The following GRK1 variants were observed in gnomAD, a reference collection of about 807,000 sequenced individuals.
The protein encoded by GRK1 is G protein-coupled receptor kinase 1.
Under a neutral mutation model 41.7 loss-of-function variants are expected in GRK1, and 28 were observed. The observed-to-expected ratio is 0.67, with a 90% CI of 0.50 to 0.92. The LOEUF (loss-of-function observed/expected upper bound fraction) is 0.92, where lower values mean the gene tolerates loss of function less well. Among genes scored for constraint, GRK1 ranks in the 40% least tolerant of loss-of-function variants. The probability of loss-of-function intolerance (pLI) is 0.00; values close to 1 mark genes in which losing one functional copy is unlikely to be tolerated. For synonymous variants in GRK1, 327 were observed against 286.7 expected (o/e 1.14, Z -1.42); for missense variants, 703 against 671.2 (o/e 1.05, Z -0.52).
chr13:113,731,141 A>T lies in GRK1; in HGVS notation c.1070-78A>T. 6.7e-7 allele frequency: 1 copy of T among 1,493,430 alleles called. No homozygotes were observed. The highest frequency in any genetic ancestry group is 8.9e-7 in the Non-Finnish European group (1 of 1,119,880). 92.5% of individuals were successfully genotyped at this position (1,493,430 alleles called of 1,614,324 possible). On this transcript the variant is annotated intron_variant, in intron 4 of 6. Transcript: ENST00000335678. This position sits in a 1 kb window ranked among gnomAD's most constrained non-coding sequence, Gnocchi z 5.6. ...CCCGGGGGGGATGCATCCCCAGAGC[A>T]TCAGTCCTGCGATTCCTGGAGTGCG...
intron 4 of GRK1, among the ~76,000 whole-genome samples, chr13:113,728,650 C>T (rs575182430): frequency 2.2e-3 from 328 of 152,246 alleles, no homozygotes; most frequent in African/African-American, 7.5e-3. Context: ...AGAGACGCCC[C>T]GGCTCCGTGG....
Position 113,731,502 on chromosome 13 carries a change from T to C in GRK1, c.1194+159T>C, listed in dbSNP as rs1203320449. On this transcript the variant is annotated intron_variant, in intron 5 of 6. Transcript: ENST00000335678. The surrounding 1 kb of genome is among the most constrained non-coding windows in gnomAD (Gnocchi z 5.6). ...GATTCACGTGCTGGGGTCTTGCTCC[T>C]GGGCCATGCTGTTCTGTCTCAGTGG... The C allele has an allele frequency of 1.6e-6, 1 of 624,742 alleles. No individual in the cohort carries two copies. Among genetic ancestry groups the C allele is most frequent in the African/African-American group, 2.0e-5 (1 of 49,962 alleles). The allele number at this position is 624,742 out of a possible 1,614,324, so 38.7% of individuals were successfully genotyped here.
At chr13:113,733,926 ATGTGTG>A (rs2049975933) in intron 6 of GRK1, among the ~76,000 whole-genome samples, 1 of 45,972 alleles carries the variant, frequency 2.2e-5, no homozygotes, top group Non-Finnish European at 4.5e-5. Context: ...GCGTGTGTGC[ATGTGTG>A]CATACGTGTG....
At position 113,735,381 on chromosome 13, in the gene GRK1, A is replaced by G; in HGVS notation, c.*18A>G. 6.8e-7 allele frequency: 1 copy of G among 1,471,170 alleles called. No individual in the cohort carries two copies. The highest frequency in any genetic ancestry group is 9.0e-7 in the Non-Finnish European group (1 of 1,112,722). The allele number at this position is 1,471,170 out of a possible 1,614,324, so 91.1% of individuals were successfully genotyped here. On this transcript the variant is annotated 3_prime_UTR_variant, in exon 7 of 7. Transcript: ENST00000335678. ...TTTCCTAGGTGACGCCCCAGAGTCCACGTGGAGGAAAAGGACCCATACGGC... is the reference window on the plus strand; with the variant it reads ...TTTCCTAGGTGACGCCCCAGAGTCCGCGTGGAGGAAAAGGACCCATACGGC...
chr13:113,654,252 C>A, the GRK1 span, among the ~76,000 whole-genome samples: 1 of 152,292 alleles, frequency 6.6e-6, no homozygotes, highest in African/African-American at 2.4e-5. Context: ...AAACCTTCAG[C>A]AGGGTCTGAG....
chr13:113,668,128 G>A, intron 1 of GRK1, 43 bp downstream of exon 1: 1 of 1,558,968 alleles, frequency 6.4e-7, no homozygotes, highest in Non-Finnish European at 8.7e-7. Context: ...GTGGCAGGGT[G>A]CAGGGATGGG....
the GRK1 span, among the ~76,000 whole-genome samples, chr13:113,655,182 A>T: frequency 6.6e-6 from 1 of 152,106 alleles, no homozygotes; most frequent in African/African-American, 2.4e-5. Flanking sequence ...ACATAGGCAG[A>T]ATCCTGCGAC....
intron 5 of GRK1, 26 bp from the exon 6 acceptor site, chr13:113,732,858 G>A (rs1219884355): frequency 1.4e-4 from 208 of 1,530,406 alleles, no homozygotes; most frequent in Non-Finnish European, 1.7e-4. Flanking sequence ...GGTCTGGCAG[G>A]GCTAAGGCTA....
rs995215511 is a variant in GRK1, at chr13:113,669,825, G to A, written c.827+11G>A. 6.2e-6 allele frequency: 10 copies of A among 1,613,520 alleles called. No individual in the cohort carries two copies. The African/African-American group carries it at 1.1e-4, about 17-fold the overall frequency. ...CGGAGGTGACATCAGGTAAGGGCTG[G>A]GCCAGAGGGCACGAGGGGGCCCCGC... On this transcript the variant is annotated intron_variant, in intron 2 of 6. Transcript: ENST00000335678.
Position 113,671,560 on chromosome 13 carries a change from T to G in GRK1, c.889T>G (p.Tyr297Asp). Residue 297 changes from tyrosine (Y) to aspartate (D), a missense_variant, in exon 3 of 7, where the codon TAC (tyrosine) becomes GAC (aspartate). Physicochemically the swap from Tyr to Asp is radical, Grantham distance 160 (BLOSUM62 -3). Transcript: ENST00000335678. This position sits in a 1 kb window ranked among gnomAD's most constrained non-coding sequence, Gnocchi z 4.1. ...PGFPEPRALF[Y>D]TAQIICGLEH... ...CTTCCCGGAGCCGCGCGCCCTCTTC[T>G]ACACGGCGCAGATCATCTGCGGCCT... is the stretch of plus-strand genomic sequence containing the variant. 1 of 778,002 alleles carries G rather than the reference T, an allele frequency of 1.3e-6. No homozygotes were observed. Among genetic ancestry groups the G allele is most frequent in the Non-Finnish European group, 2.4e-6 (1 of 417,906 alleles). 48.2% of individuals were successfully genotyped at this position (778,002 alleles called of 1,614,324 possible).
intron 4 of GRK1, 124 bp downstream of exon 4, chr13:113,723,281 T>C: frequency 1.9e-6 from 1 of 520,596 alleles, no homozygotes; most frequent in East Asian, 3.3e-5. Context: ...TGTGTGCACA[T>C]GGGCGTCTGT....
At chr13:113,733,662 CGTGT>C (rs377471247) in intron 6 of GRK1, among the ~76,000 whole-genome samples, 2 of 126,056 alleles carry the variant, frequency 1.6e-5, no homozygotes, top group Non-Finnish European at 3.4e-5. Context: ...CGTGTGTGTG[CGTGT>C]GTGCACGTGT....
At position 113,733,846 on chromosome 13, in the gene GRK1, T is replaced by C. The variant is rs548246024; in HGVS notation, c.1396+761T>C. Among the ~76,000 whole-genome samples, 86 of 93,906 alleles carry C rather than the reference T, an allele frequency of 9.2e-4. 5 individuals carry two copies. Among genetic ancestry groups the C allele is most frequent in the African/African-American group, 5.5e-3 (83 of 15,012 alleles). The allele number at this position is 93,906 out of a possible 152,430, so 61.6% of individuals were successfully genotyped here. On this transcript the variant is annotated intron_variant, in intron 6 of 6. Coordinates refer to ENST00000335678, the MANE Select transcript of GRK1 (RefSeq NM_002929.3). ...GCGTGTGTGTGCACGTGCGTGTGCA[T>C]GTGTATGTGTGCATACGTGTGTGCG...
At chr13:113,652,985 G>C in the GRK1 span, 2 of 1,614,180 alleles carry the variant, frequency 1.2e-6, no homozygotes, top group South Asian at 2.2e-5. Flanking sequence ...GGAGAACTTG[G>C]TGTGGTTGGG....
At chr13:113,665,933 G>A (rs1319489434), upstream of GRK1, among the ~76,000 whole-genome samples, 1 of 134,216 alleles carries the variant, frequency 7.5e-6, no homozygotes, top group Non-Finnish European at 1.6e-5. Flanking sequence ...GGTGTCTCAG[G>A]TGTGCCCCCC....
the GRK1 span, chr13:113,655,016 G>C: frequency 1.3e-6 from 2 of 1,577,874 alleles, no homozygotes; most frequent in East Asian, 2.3e-5. Flanking sequence ...CCTTGAGCGC[G>C]TCCGTGATGT....
rs541733180 is a variant in GRK1, at chr13:113,667,249, G to A, written c.-138G>A. Reference sequence around the variant, plus strand: ...TCCCCAGGAACCCTCGACAGGGCCAGGGCGTCTCTCTCGTCCAGCAAGGGC... The same window carrying A: ...TCCCCAGGAACCCTCGACAGGGCCAAGGCGTCTCTCTCGTCCAGCAAGGGC... On this transcript the variant is annotated 5_prime_UTR_variant, in exon 1 of 7. Coordinates refer to ENST00000335678, the MANE Select transcript of GRK1 (RefSeq NM_002929.3). This position sits in a 1 kb window ranked among gnomAD's most constrained non-coding sequence, Gnocchi z 7.5. 3.5e-6 allele frequency: 3 copies of A among 857,226 alleles called. No homozygotes were observed. The highest frequency in any genetic ancestry group is 5.2e-6 in the Non-Finnish European group (3 of 572,690). The allele number at this position is 857,226 out of a possible 1,614,324, so 53.1% of individuals were successfully genotyped here. A position where few individuals can be genotyped will look rare whatever the true frequency, so the allele number is the denominator to read the frequency against.
intron 5 of GRK1, among the ~76,000 whole-genome samples, chr13:113,732,061 A>T (rs906076069): frequency 2.9e-4 from 44 of 152,198 alleles, no homozygotes; most frequent in African/African-American, 1.0e-3. Context: ...TATTCAAGAC[A>T]AGTGGAGAAA....
In GRK1 at chr13:113,667,229, A is replaced by C. The variant is rs937817990; in HGVS notation, c.-158A>C. 4.0e-5 allele frequency: 29 copies of C among 722,494 alleles called. No homozygotes were observed. The Admixed American group carries it at 6.5e-4, about 16-fold the overall frequency. 44.8% of individuals were successfully genotyped at this position (722,494 alleles called of 1,614,324 possible). A position where few individuals can be genotyped will look rare whatever the true frequency, so the allele number is the denominator to read the frequency against. ...TCCCAGGGGCTTCCCAGTGGTCCCCAGGAACCCTCGACAGGGCCAGGGCGT... is the reference window on the plus strand; with the variant it reads ...TCCCAGGGGCTTCCCAGTGGTCCCCCGGAACCCTCGACAGGGCCAGGGCGT... On this transcript the variant is annotated 5_prime_UTR_variant, in exon 1 of 7. Coordinates refer to ENST00000335678, the MANE Select transcript of GRK1 (RefSeq NM_002929.3). The surrounding 1 kb of genome is among the most constrained non-coding windows in gnomAD (Gnocchi z 7.5).
Sources: gnomAD v4.1 joint callset for allele counts (sites outside exome capture counted in the v4.1 genomes callset) on GRCh38, gnomAD v4.1.1 for gene constraint, Gnocchi (gnomAD v3.1) non-coding constraint, MANE v1.5 for transcripts, NCBI Gene and HGNC (gene_info 2026-07-23, HGNC 2026-07-21) for gene names.